Variants in PTH1R observed in about 807,000 individuals in gnomAD.
PTH1R encodes parathyroid hormone 1 receptor.
A neutral mutation model predicts 70.7 loss-of-function variants in PTH1R; 32 were observed. That is an observed-to-expected ratio of 0.45 (90% CI 0.34 to 0.61). PTH1R has a LOEUF of 0.61. PTH1R is among the 20% of genes least tolerant of loss of function. The pLI is 0.01. For synonymous variants in PTH1R, 329 were observed against 324.8 expected (o/e 1.01, Z -0.14); for missense variants, 626 against 792.5 (o/e 0.79, Z 2.52).
chr3:46,886,461 C>T (rs926735376), intron 3 of PTH1R, among the ~76,000 whole-genome samples: 1 of 152,118 alleles, frequency 6.6e-6, no homozygotes, highest in Non-Finnish European at 1.5e-5. Flanking sequence ...GGGTTCACGC[C>T]GTTCTCCTGC....
Position 46,883,573 on chromosome 3 carries a change from G to C in PTH1R, c.14G>C (p.Arg5Pro), listed in dbSNP as rs1479370698. 1 of 1,538,324 alleles carries C rather than the reference G, an allele frequency of 6.5e-7. No homozygotes were observed. Among genetic ancestry groups the C allele is most frequent in the Non-Finnish European group, 8.7e-7 (1 of 1,146,046 alleles). Residue 5 changes from arginine to proline, a missense_variant, in exon 3 of 16, where the codon CGG (arginine) becomes CCG (proline). Transcript: ENST00000449590. This position sits in a 1 kb window ranked among gnomAD's most constrained non-coding sequence, Gnocchi z 6.4. ...TAGGCGGTGGCGATGGGGACCGCCC[G>C]GATCGCACCCGGCCTGGCGCTCCTG... The part of the protein sequence containing the change: MGTA[R>P]IAPGLALLLC...
rs1277890805 is a variant in PTH1R at position 46,892,724 on chromosome 3, A to T, written c.76-1183A>T. ...TCCTCTGGGTCCTCCCGCCCTTCAC[A>T]GCCATGCTCGGACTGCAGGGCCCCG... On this transcript the variant is annotated intron_variant, in intron 3 of 15. Coordinates refer to ENST00000449590, the MANE Select transcript of PTH1R (RefSeq NM_000316.3). This position sits in a 1 kb window ranked among gnomAD's most constrained non-coding sequence, Gnocchi z 5.2. The T allele has an allele frequency of 1.0e-6, 1 of 984,908 alleles. No individual in the cohort carries two copies. Among genetic ancestry groups the T allele is most frequent in the African/African-American group, 1.8e-5 (1 of 57,106 alleles). The allele number at this position is 984,908 out of a possible 1,614,324, so 61.0% of individuals were successfully genotyped here. A position where few individuals can be genotyped will look rare whatever the true frequency, so the allele number is the denominator to read the frequency against.
intron 3 of PTH1R, among the ~76,000 whole-genome samples, chr3:46,890,743 C>T (rs1159968632): frequency 6.6e-6 from 1 of 152,098 alleles, no homozygotes; most frequent in Non-Finnish European, 1.5e-5. Context: ...TCAGGTGATC[C>T]ACCTGGTTTG....
At chr3:46,899,007 C>T in intron 9 of PTH1R, 150 bp downstream of exon 9, 2 of 714,474 alleles carry the variant, frequency 2.8e-6, no homozygotes, top group South Asian at 3.8e-5. Context: ...GGGTCCCTCG[C>T]AACCCTCAGC....
intron 3 of PTH1R, among the ~76,000 whole-genome samples, chr3:46,888,434 C>G (rs960466485): frequency 6.6e-6 from 1 of 152,250 alleles, no homozygotes; most frequent in Non-Finnish European, 1.5e-5. Context: ...TAGCCTCCCT[C>G]AGATTCCTGT....
At chr3:46,889,848 G>C (rs189592195) in intron 3 of PTH1R, among the ~76,000 whole-genome samples, 1 of 152,142 alleles carries the variant, frequency 6.6e-6, no homozygotes, top group Non-Finnish European at 1.5e-5. Flanking sequence ...CTGCAGATCC[G>C]CTGGATCTAA....
intron 5 of PTH1R, among the ~76,000 whole-genome samples, chr3:46,897,621 C>G (rs1463006067): frequency 6.6e-6 from 1 of 152,188 alleles, no homozygotes; most frequent in Admixed American, 6.5e-5. Flanking sequence ...ATCCCAGCTA[C>G]TCGGGAGGCT....
chr3:46,900,352 C>T (rs2032041552), intron 10 of PTH1R, among the ~76,000 whole-genome samples: 1 of 152,148 alleles, frequency 6.6e-6, no homozygotes, highest in African/African-American at 2.4e-5. Context: ...AGGAATGTCA[C>T]AGCTCTTTTT....
chr3:46,899,227 G>A lies in PTH1R; in HGVS notation c.835-76G>A. 3 of 1,599,036 alleles carry A rather than the reference G, an allele frequency of 1.9e-6. No individual in the cohort carries two copies. The Admixed American group carries it at 5.0e-5, about 27-fold the overall frequency. ...CCGGCACCACTTGTCCTCTCCTGCC[G>A]CCCCAGCCCCCCAGCCCAGCCCTGA... On this transcript the variant is annotated intron_variant, in intron 9 of 15. Transcript: ENST00000449590.
rs2031734911 is a variant in PTH1R, at chr3:46,896,089, C to T, written c.313+220C>T. Among the ~76,000 whole-genome samples the T allele has an allele frequency of 1.3e-5, 2 of 152,118 alleles. No homozygotes were observed. The highest frequency in any genetic ancestry group is 2.9e-5 in the Non-Finnish European group (2 of 68,030). On this transcript the variant is annotated intron_variant, in intron 5 of 15. Transcript: ENST00000449590. This position sits in a 1 kb window ranked among gnomAD's most constrained non-coding sequence, Gnocchi z 4.1. ...AGAAAGAGATGAACAGAGAACTCTCCAGCACCACACCAAGAGTGGACCCAG... is the reference window on the plus strand; with the variant it reads ...AGAAAGAGATGAACAGAGAACTCTCTAGCACCACACCAAGAGTGGACCCAG...
Position 46,901,846 on chromosome 3 carries a change from A to C in PTH1R, c.1197A>C (p.Thr399=). ...AGACCAACGCCGGCCGGTGTGACACACGGCAGCAGTACCGGTGAGCCCACC... is the reference window on the plus strand; with the variant it reads ...AGACCAACGCCGGCCGGTGTGACACCCGGCAGCAGTACCGGTGAGCCCACC... The part of the protein sequence containing the change: ...LRETNAGRCD[T]RQQYRKLLKS... Residue 399 remains threonine, a synonymous_variant, in exon 13 of 16, where the codon ACA becomes ACC. Transcript: ENST00000449590. This position sits in a 1 kb window ranked among gnomAD's most constrained non-coding sequence, Gnocchi z 7.3. The C allele has an allele frequency of 1.2e-6, 2 of 1,613,544 alleles. No homozygotes were observed. Among genetic ancestry groups the C allele is most frequent in the Non-Finnish European group, 8.5e-7 (1 of 1,179,724 alleles).
intron 8 of PTH1R, 77 bp downstream of exon 8, chr3:46,898,549 C>T: frequency 6.3e-7 from 1 of 1,598,762 alleles, no homozygotes; most frequent in East Asian, 2.2e-5. Context: ...GACCCCCTCC[C>T]TGCACCCATC....
chr3:46,890,054 AG>A (rs1417478454), intron 3 of PTH1R, among the ~76,000 whole-genome samples: 2 of 152,298 alleles, frequency 1.3e-5, no homozygotes, highest in South Asian at 2.1e-4. Context: ...GCAGAGGCAG[AG>A]GAGGGGGTCC....
In PTH1R at chr3:46,892,775, T is replaced by C. The variant is rs1193961416; in HGVS notation, c.76-1132T>C. The C allele has an allele frequency of 1.3e-5, 13 of 985,786 alleles. No homozygotes were observed. The East Asian group carries it at 1.5e-3, about 112-fold the overall frequency. 61.1% of individuals were successfully genotyped at this position (985,786 alleles called of 1,614,324 possible). A position where few individuals can be genotyped will look rare whatever the true frequency, so the allele number is the denominator to read the frequency against. The stretch of plus-strand genomic sequence containing the variant: ...GCCCCGCCTTGGCGCGTCTGAAGGA[T>C]GCAGCTCTGCCGCGGAGCTGAGGAG... On this transcript the variant is annotated intron_variant, in intron 3 of 15. Transcript: ENST00000449590. The surrounding 1 kb of genome is among the most constrained non-coding windows in gnomAD (Gnocchi z 5.2).
rs2030757370 is a variant in PTH1R at position 46,883,238 on chromosome 3, T to G, written c.-48-274T>G. The G allele has an allele frequency of 1.0e-4, 22 of 211,188 alleles. No individual in the cohort carries two copies. Among genetic ancestry groups the G allele is most frequent in the East Asian group, 2.1e-4 (2 of 9,598 alleles). 13.1% of individuals were successfully genotyped at this position (211,188 alleles called of 1,614,324 possible). ...GGGGCGGGGGGCCCGGCCATATGGA[T>G]GTGATTTCTTCGCTCCGAGGCAGAC... On this transcript the variant is annotated intron_variant, in intron 2 of 15. Coordinates refer to ENST00000449590, the MANE Select transcript of PTH1R (RefSeq NM_000316.3). This position sits in a 1 kb window ranked among gnomAD's most constrained non-coding sequence, Gnocchi z 6.4.
intron 8 of PTH1R, 52 bp from the exon 9 acceptor site, chr3:46,898,610 C>T: frequency 6.2e-7 from 1 of 1,606,826 alleles, no homozygotes. Context: ...TTCCTGTCCA[C>T]CCACCGCGCG....
In PTH1R at chr3:46,903,314, A is replaced by G. The variant is rs369916635; in HGVS notation, c.1440A>G (p.Ala480=). 7.4e-6 allele frequency: 12 copies of G among 1,613,416 alleles called. No homozygotes were observed. The highest frequency in any genetic ancestry group is 1.0e-5 in the Non-Finnish European group (12 of 1,180,026). The part of the protein sequence containing the change: ...IKKSWSRWTL[A]LDFKRKARSG... Reference sequence around the variant, plus strand: ...AATCTTGGAGCCGCTGGACACTGGCACTGGACTTCAAGCGAAAGGCACGCA... The same window carrying G: ...AATCTTGGAGCCGCTGGACACTGGCGCTGGACTTCAAGCGAAAGGCACGCA... The change falls in exon 16 of 16, where the codon GCA becomes GCG. Residue 480 remains alanine (A), a synonymous_variant. Coordinates refer to ENST00000449590, the MANE Select transcript of PTH1R (RefSeq NM_000316.3). This position sits in a 1 kb window ranked among gnomAD's most constrained non-coding sequence, Gnocchi z 4.4.
In PTH1R at chr3:46,901,886, C is replaced by T; in HGVS notation, c.1211+26C>T. The T allele has an allele frequency of 6.3e-7, 1 of 1,594,404 alleles. No homozygotes were observed. Among genetic ancestry groups the T allele is most frequent in the African/African-American group, 1.3e-5 (1 of 74,596 alleles). On this transcript the variant is annotated intron_variant, in intron 13 of 15. Transcript: ENST00000449590. The surrounding 1 kb of genome is among the most constrained non-coding windows in gnomAD (Gnocchi z 7.3). ...GTGAGCCCACCATGCCTGCCATGCCCTGGCTCCTCAGGGGTCCCTGAGTCC... is the reference window on the plus strand; with the variant it reads ...GTGAGCCCACCATGCCTGCCATGCCTTGGCTCCTCAGGGGTCCCTGAGTCC...
In PTH1R at chr3:46,892,856, C is replaced by G; in HGVS notation, c.76-1051C>G. On this transcript the variant is annotated intron_variant, in intron 3 of 15. Coordinates refer to ENST00000449590, the MANE Select transcript of PTH1R (RefSeq NM_000316.3). This position sits in a 1 kb window ranked among gnomAD's most constrained non-coding sequence, Gnocchi z 5.2. ...GTCGTCTCAGGGGACATACCCCTGC[C>G]CAGGGGTCTGAGGAAACACGACCCT... The G allele has an allele frequency of 2.1e-6, 2 of 934,226 alleles. No individual in the cohort carries two copies. Among genetic ancestry groups the G allele is most frequent in the Non-Finnish European group, 2.6e-6 (2 of 782,712 alleles). 57.9% of individuals were successfully genotyped at this position (934,226 alleles called of 1,614,324 possible). A position where few individuals can be genotyped will look rare whatever the true frequency, so the allele number is the denominator to read the frequency against.
Sources: allele counts gnomAD v4.1 joint callset (sites outside exome capture counted in the v4.1 genomes callset), GRCh38; gene constraint gnomAD v4.1.1; non-coding constraint Gnocchi (gnomAD v3.1); transcripts MANE v1.5; gene names NCBI Gene and HGNC (gene_info 2026-07-23, HGNC 2026-07-21).